TBCE: variants seen among roughly 807,000 people sequenced by gnomAD.
TBCE encodes tubulin folding cofactor E, also known as tubulin-specific chaperone E.
Under a neutral mutation model 77.0 loss-of-function variants are expected in TBCE, and 53 were observed. That is an observed-to-expected ratio of 0.69 (90% CI 0.55 to 0.87). TBCE has a LOEUF of 0.87. Ranked by LOEUF, TBCE falls within the 40% of genes least tolerant of loss-of-function variation. The pLI, the probability that TBCE is intolerant of heterozygous loss-of-function variation, is 0.00. For missense variants in TBCE, 624 were observed against 622.4 expected (o/e 1.00, Z -0.03); for synonymous variants, 235 against 241.3 (o/e 0.97, Z 0.24).
Position 235,450,752 on chromosome 1 carries a change from C to A in TBCE, c.*1990C>A, listed in dbSNP as rs1682847857. On this transcript the variant is annotated 3_prime_UTR_variant, in exon 17 of 17. Coordinates refer to ENST00000642610, the MANE Select transcript of TBCE (RefSeq NM_003193.5). ...CTTTGTAAATATCTCACTTAAATCT[C>A]ACAGTAATGCTGTGAGGTAGGAACT... 1 of 159,196 alleles carries A rather than the reference C, an allele frequency of 6.3e-6. No individual in the cohort carries two copies. Among genetic ancestry groups the A allele is most frequent in the Non-Finnish European group, 1.4e-5 (1 of 71,996 alleles). The allele number at this position is 159,196 out of a possible 1,614,324, so 9.9% of individuals were successfully genotyped here.
At chr1:235,392,165 A>T (rs1678425812) in intron 2 of TBCE, among the ~76,000 whole-genome samples, 1 of 151,572 alleles carries the variant, frequency 6.6e-6, no homozygotes, top group South Asian at 2.1e-4. Context: ...TCTAGCAAAA[A>T]TAAATAAATA....
At chr1:235,368,224 T>G (rs1676680862) in intron 1 of TBCE, among the ~76,000 whole-genome samples, 1 of 152,108 alleles carries the variant, frequency 6.6e-6, no homozygotes, top group Non-Finnish European at 1.5e-5. Flanking sequence ...CTATTTTTAC[T>G]TGGTGTTTAC....
intron 2 of TBCE, among the ~76,000 whole-genome samples, chr1:235,398,622 CTTT>C (rs543905164): frequency 7.5e-6 from 1 of 133,392 alleles, no homozygotes; most frequent in African/African-American, 2.7e-5. Flanking sequence ...GTGGTGTTTT[CTTT>C]TTTTTTTTTT....
At chr1:235,420,427 G>T (rs1680337562) in intron 5 of TBCE, among the ~76,000 whole-genome samples, 1 of 149,460 alleles carries the variant, frequency 6.7e-6, no homozygotes, top group Non-Finnish European at 1.5e-5. Flanking sequence ...TGATTCTTCT[G>T]CCCTAGCCTC....
chr1:235,442,338 T>C (rs1681949416), intron 14 of TBCE, among the ~76,000 whole-genome samples: 2 of 152,128 alleles, frequency 1.3e-5, no homozygotes, highest in South Asian at 4.1e-4. Context: ...ACCCAGTTAA[T>C]TTTGTATTTT....
intron 1 of TBCE, among the ~76,000 whole-genome samples, chr1:235,379,304 G>A (rs1241942464): frequency 6.6e-6 from 1 of 152,082 alleles, no homozygotes; most frequent in African/African-American, 2.4e-5. Context: ...GAGGAGGGTG[G>A]ATCACCTGAG....
At chr1:235,447,420 T>C (rs1682437488) in intron 15 of TBCE, among the ~76,000 whole-genome samples, 1 of 152,220 alleles carries the variant, frequency 6.6e-6, no homozygotes, top group Non-Finnish European at 1.5e-5. Context: ...AACCCGTCTT[T>C]GGAAAGAAGT....
At chr1:235,410,851 G>C (rs747038127) in intron 3 of TBCE, among the ~76,000 whole-genome samples, 1 of 152,198 alleles carries the variant, frequency 6.6e-6, no homozygotes, top group African/African-American at 2.4e-5. Context: ...GAGGAGCTCA[G>C]TTCGAAAGCG....
At chr1:235,367,958 C>T (rs1451647386) in intron 1 of TBCE, among the ~76,000 whole-genome samples, 1 of 152,046 alleles carries the variant, frequency 6.6e-6, no homozygotes, top group Admixed American at 6.6e-5. Context: ...ACTGCAGTGG[C>T]GCGGATCTCT....
rs768389458 is a variant in TBCE at position 235,436,437 on chromosome 1, G to A, written c.885G>A (p.Pro295=). The part of the protein sequence containing the change: ...SDTGISSLHF[P]DAGIGCKTSM... ...CTGGAATTTCTTCTCTACATTTTCCGGATGCTGGAATTGGTATATAAGATT... is the reference window on the plus strand; with the variant it reads ...CTGGAATTTCTTCTCTACATTTTCCAGATGCTGGAATTGGTATATAAGATT... Residue 295 remains proline (P), a synonymous_variant, in exon 10 of 17, where the codon CCG becomes CCA. Coordinates refer to ENST00000642610, the MANE Select transcript of TBCE (RefSeq NM_003193.5). The A allele has an allele frequency of 1.1e-5, 18 of 1,613,896 alleles. No homozygotes were observed. Among genetic ancestry groups the A allele is most frequent in the Middle Eastern group, 1.6e-4 (1 of 6,062 alleles).
chr1:235,414,031 T>C, intron 3 of TBCE: 1 of 266,684 alleles, frequency 3.7e-6, no homozygotes, highest in Non-Finnish European at 7.3e-6. Context: ...ATTTTTGTAT[T>C]TTTAGTAGAG....
chr1:235,448,244 A>C, intron 15 of TBCE, 105 bp from the exon 16 acceptor site: 1 of 811,692 alleles, frequency 1.2e-6, no homozygotes, highest in Non-Finnish European at 2.1e-6. Flanking sequence ...AAAAAAAGAC[A>C]GATACAGCTA....
intron 1 of TBCE, among the ~76,000 whole-genome samples, chr1:235,373,475 A>T (rs1677099068): frequency 6.6e-6 from 1 of 151,512 alleles, no homozygotes; most frequent in African/African-American, 2.4e-5. Flanking sequence ...ACGCAGTCTC[A>T]CTCTGTGGCC....
At chr1:235,367,890 A>G (rs1347991197) in intron 1 of TBCE, among the ~76,000 whole-genome samples, 1 of 152,162 alleles carries the variant, frequency 6.6e-6, no homozygotes, top group Non-Finnish European at 1.5e-5. Flanking sequence ...ATAGGTGGAG[A>G]GCACTTAAAG....
chr1:235,424,707 G>A (rs181802618), intron 5 of TBCE, among the ~76,000 whole-genome samples: 15 of 152,144 alleles, frequency 9.9e-5, no homozygotes, highest in African/African-American at 3.4e-4. Flanking sequence ...GTTTCTCCAT[G>A]TTGGTCAGGC....
At chr1:235,387,201 G>T (rs1370816821) in intron 2 of TBCE, among the ~76,000 whole-genome samples, 2 of 152,198 alleles carry the variant, frequency 1.3e-5, no homozygotes, top group African/African-American at 2.4e-5. Flanking sequence ...GTGTCAGTCT[G>T]CCCCTGCTGG....
intron 2 of TBCE, among the ~76,000 whole-genome samples, chr1:235,397,901 C>G (rs1181959815): frequency 2.0e-5 from 3 of 152,084 alleles, no homozygotes; most frequent in African/African-American, 7.2e-5. Context: ...TCTGTAGTTG[C>G]TCCTCTATCA....
chr1:235,388,977 G>T (rs1436948090), intron 2 of TBCE, among the ~76,000 whole-genome samples: 1 of 152,182 alleles, frequency 6.6e-6, no homozygotes, highest in South Asian at 2.1e-4. Context: ...ACTAGGTTCT[G>T]TTGACCCTAG....
At chr1:235,390,748 C>G (rs1236698912) in intron 2 of TBCE, among the ~76,000 whole-genome samples, 16 of 122,730 alleles carry the variant, frequency 1.3e-4, no homozygotes, top group Non-Finnish European at 2.1e-4. Context: ...GTGACAAGAG[C>G]GAAACGTCTC....
Sources: allele counts gnomAD v4.1 joint callset (sites outside exome capture counted in the v4.1 genomes callset), GRCh38; gene constraint gnomAD v4.1.1; transcripts MANE v1.5; gene names NCBI Gene and HGNC (gene_info 2026-07-23, HGNC 2026-07-21).